Variants in IQCB1 observed in about 807,000 individuals in gnomAD.
The protein encoded by IQCB1 is IQ calmodulin-binding motif-containing protein 1.
A neutral mutation model predicts 84.4 loss-of-function variants in IQCB1; 56 were observed. The ratio of observed to expected loss-of-function variants is 0.66; its 90% confidence interval spans 0.54 to 0.83. IQCB1 has a LOEUF of 0.83. Among genes scored for constraint, IQCB1 ranks in the 40% least tolerant of loss-of-function variants. The pLI is 0.00. For missense variants in IQCB1, 629 were observed against 682.1 expected, an observed-to-expected ratio of 0.92 and a Z score of 0.87; for synonymous variants, 210 against 234.8, an observed-to-expected ratio of 0.89 and a Z score of 0.96.
chr3:121,797,022 A>G (rs1949217404), intron 9 of IQCB1, 96 bp downstream of exon 9: 4 of 774,028 alleles, frequency 5.2e-6, no homozygotes, highest in Non-Finnish European at 9.2e-6. Context: ...TTTGCTTGAA[A>G]TCTTAAGAGA....
At chr3:121,808,076 C>T (rs1159988072) in intron 6 of IQCB1, among the ~76,000 whole-genome samples, 1 of 151,922 alleles carries the variant, frequency 6.6e-6, no homozygotes, top group African/African-American at 2.4e-5. Flanking sequence ...GGGAACATTT[C>T]TAATAAATGT....
At position 121,826,044 on chromosome 3, in the gene IQCB1, C is replaced by G; in HGVS notation, c.393+7G>C. 1 of 1,611,040 alleles carries G rather than the reference C, an allele frequency of 6.2e-7. No individual in the cohort carries two copies. The highest frequency in any genetic ancestry group is 8.5e-7 in the Non-Finnish European group (1 of 1,177,496). ...ATTTAGCTACAAAAGACTAAATAAA[C>G]ACATACCTTAGCTGCATTGATAAAA... is the stretch of plus-strand genomic sequence containing the variant. On this transcript the variant is annotated splice_region_variant and intron_variant, in intron 5 of 14. Transcript: ENST00000310864.
intron 5 of IQCB1, among the ~76,000 whole-genome samples, chr3:121,817,056 C>T (rs1470916047): frequency 6.6e-6 from 1 of 152,194 alleles, no homozygotes; most frequent in Non-Finnish European, 1.5e-5. Flanking sequence ...GGCACATATA[C>T]ACCATGGAAT....
At chr3:121,788,520 C>T in intron 11 of IQCB1, 88 bp from the exon 12 acceptor site, 1 of 1,210,484 alleles carries the variant, frequency 8.3e-7, no homozygotes, top group African/African-American at 1.6e-5. Context: ...AATAATCTTG[C>T]ATTCTTTTTA....
intron 8 of IQCB1, among the ~76,000 whole-genome samples, chr3:121,798,375 T>C (rs746318758): frequency 3.3e-5 from 5 of 152,034 alleles, no homozygotes; most frequent in African/African-American, 7.2e-5. Flanking sequence ...TTTAATGAAC[T>C]AGAATCCCAT....
intron 10 of IQCB1, among the ~76,000 whole-genome samples, chr3:121,794,003 A>C (rs1334259827): frequency 1.3e-5 from 2 of 152,182 alleles, no homozygotes; most frequent in Non-Finnish European, 2.9e-5. Context: ...GGAATCCATA[A>C]GTAATACCTA....
chr3:121,786,170 C>CAAGAAAAGAAAAAGAAAAGGAAAG, intron 12 of IQCB1, among the ~76,000 whole-genome samples: 1 of 72,848 alleles, frequency 1.4e-5, no homozygotes, highest in African/African-American at 6.5e-5. Flanking sequence ...GATTCTGTCT[C>CAAGAAAAGAAAAAGAAAAGGAAAG]AAAAGAAAAG....
At chr3:121,770,980 T>G (rs1318737713) in intron 14 of IQCB1, among the ~76,000 whole-genome samples, 3 of 151,124 alleles carry the variant, frequency 2.0e-5, no homozygotes, top group Non-Finnish European at 3.0e-5. Context: ...CCCATTTCTG[T>G]TTTTTTTTGA....
chr3:121,781,631 G>GCACA, intron 13 of IQCB1, 112 bp downstream of exon 13: 1 of 760,680 alleles, frequency 1.3e-6, no homozygotes, highest in Non-Finnish European at 2.0e-6. Flanking sequence ...AGCAATAAAT[G>GCACA]TACACACACA....
chr3:121,825,976 C>T, intron 5 of IQCB1, 75 bp downstream of exon 5: 1 of 1,318,528 alleles, frequency 7.6e-7, no homozygotes, highest in Non-Finnish European at 1.1e-6. Context: ...CCAAATATTG[C>T]ACATTTAAAA....
chr3:121,786,170 C>CAAGAAAAGAAAAGAAAGAAAAG, intron 12 of IQCB1, among the ~76,000 whole-genome samples: 3 of 72,866 alleles, frequency 4.1e-5, no homozygotes, highest in Non-Finnish European at 7.6e-5. Context: ...GATTCTGTCT[C>CAAGAAAAGAAAAGAAAGAAAAG]AAAAGAAAAG....
rs1317019173 is a variant in IQCB1 at position 121,790,258 on chromosome 3, T to C, written c.987-43A>G. 12 of 1,574,212 alleles carry C rather than the reference T, an allele frequency of 7.6e-6. No individual in the cohort carries two copies. In the South Asian group the frequency reaches 1.1e-4, roughly 15 times the overall value. Reference sequence around the variant, plus strand: ...TGTTATACATAATTTTCATAAATCATATGAAAAAATGCATAACCTCACTAG... The same window carrying C: ...TGTTATACATAATTTTCATAAATCACATGAAAAAATGCATAACCTCACTAG... On this transcript the variant is annotated intron_variant, in intron 10 of 14. Transcript: ENST00000310864.
intron 13 of IQCB1, among the ~76,000 whole-genome samples, chr3:121,778,667 A>C (rs1948340183): frequency 6.6e-6 from 1 of 151,844 alleles, no homozygotes; most frequent in Non-Finnish European, 1.5e-5. Context: ...GCACTTTGGG[A>C]GGCTGAGATG....
At chr3:121,776,541 A>G (rs1231836133) in intron 13 of IQCB1, among the ~76,000 whole-genome samples, 1 of 152,200 alleles carries the variant, frequency 6.6e-6, no homozygotes, top group African/African-American at 2.4e-5. Context: ...GGTATGAAGT[A>G]TCTTACTGTC....
Position 121,772,710 on chromosome 3 carries a change from A to G in IQCB1, c.1414T>C (p.Ser472Pro). The G allele has an allele frequency of 6.2e-7, 1 of 1,614,060 alleles. No homozygotes were observed. The highest frequency in any genetic ancestry group is 8.5e-7 in the Non-Finnish European group (1 of 1,179,984). The part of the protein sequence containing the change: ...VDDYVRRHLG[S>P]PMSDVVSREL... ...CTACTGACCACATCTGACATTGGAG[A>G]GCCCTGGAAACACAGGACAGAAAAA... The change falls in exon 14 of 15, where the codon TCT becomes CCT. Residue 472 changes from serine (S) to proline (P), a missense_variant. By Grantham distance (74) the Ser-to-Pro change is moderately conservative. Coordinates refer to ENST00000310864, the MANE Select transcript of IQCB1 (RefSeq NM_001023570.4).
Position 121,834,963 on chromosome 3 carries a change from T to C in IQCB1, c.-102+3A>G. ...TCCCCAGCCACCACCTCAGATAAGTTACCTCATCCTCGCTTCGCGTTCTTC... is the reference window on the plus strand; with the variant it reads ...TCCCCAGCCACCACCTCAGATAAGTCACCTCATCCTCGCTTCGCGTTCTTC... On this transcript the variant is annotated splice_donor_region_variant and intron_variant, in intron 1 of 14. Coordinates refer to ENST00000310864, the MANE Select transcript of IQCB1 (RefSeq NM_001023570.4). 1 of 429,618 alleles carries C rather than the reference T, an allele frequency of 2.3e-6. No individual in the cohort carries two copies. Among genetic ancestry groups the C allele is most frequent in the Non-Finnish European group, 4.3e-6 (1 of 233,526 alleles). 26.6% of individuals were successfully genotyped at this position (429,618 alleles called of 1,614,324 possible). A position where few individuals can be genotyped will look rare whatever the true frequency, so the allele number is the denominator to read the frequency against.
Position 121,770,271 on chromosome 3 carries a change from T to G in IQCB1, c.*74A>C, listed in dbSNP as rs572954041. 9.9e-7 allele frequency: 1 copy of G among 1,007,880 alleles called. No individual in the cohort carries two copies. The highest frequency in any genetic ancestry group is 1.6e-6 in the Non-Finnish European group (1 of 644,078). The allele number at this position is 1,007,880 out of a possible 1,614,324, so 62.4% of individuals were successfully genotyped here. A position where few individuals can be genotyped will look rare whatever the true frequency, so the allele number is the denominator to read the frequency against. On this transcript the variant is annotated 3_prime_UTR_variant, in exon 15 of 15. Transcript: ENST00000310864. The stretch of plus-strand genomic sequence containing the variant: ...ATAATAAGTTAGGATGGCCCTAGTC[T>G]ACCAGCATGCCAGAGGCAGAACCAA...
chr3:121,807,021 CA>C (rs1370558562), intron 7 of IQCB1, among the ~76,000 whole-genome samples: 1 of 151,820 alleles, frequency 6.6e-6, no homozygotes, highest in Non-Finnish European at 1.5e-5. Flanking sequence ...TTCAGATTAT[CA>C]CACTAATTCT....
chr3:121,776,200 T>C (rs1166910089), intron 13 of IQCB1, among the ~76,000 whole-genome samples: 3 of 152,096 alleles, frequency 2.0e-5, no homozygotes, highest in Admixed American at 6.5e-5. Context: ...GCTGGAATTA[T>C]GGGCGTGAGT....
Sources: allele counts gnomAD v4.1 joint callset (sites outside exome capture counted in the v4.1 genomes callset), GRCh38; gene constraint gnomAD v4.1.1; transcripts MANE v1.5; gene names NCBI Gene and HGNC (gene_info 2026-07-23, HGNC 2026-07-21).